Variants in LAMB4 observed in about 807,000 individuals in gnomAD.
LAMB4 encodes laminin subunit beta 4, also known as laminin subunit beta-4.
Under a neutral mutation model 199.2 loss-of-function variants are expected in LAMB4, and 196 were observed. That is an observed-to-expected ratio of 0.98 (90% CI 0.88 to 1.11). The LOEUF is 1.11. Among genes scored for constraint, LAMB4 ranks in the 50% least tolerant of loss-of-function variants. The probability of loss-of-function intolerance (pLI) is 0.00; values close to 1 mark genes in which losing one functional copy is unlikely to be tolerated. For synonymous variants in LAMB4, 744 were observed against 770.6 expected, an observed-to-expected ratio of 0.97 and a Z score of 0.57; for missense variants, 2,080 against 2,171.2, an observed-to-expected ratio of 0.96 and a Z score of 0.83.
rs768731973 is a variant in LAMB4, at chr7:108,066,340, A to G, written c.2678+29T>C. On this transcript the variant is annotated intron_variant, in intron 20 of 33. Coordinates refer to ENST00000388781, the MANE Select transcript of LAMB4 (RefSeq NM_007356.3). ...GATTGGAACAAAGTGTTAAAGACCTAAAAATTAAAGTGCATATGAATTCCA... is the reference window on the plus strand; with the variant it reads ...GATTGGAACAAAGTGTTAAAGACCTGAAAATTAAAGTGCATATGAATTCCA... 9 of 1,542,876 alleles carry G rather than the reference A, an allele frequency of 5.8e-6. No individual in the cohort carries two copies. In the African/African-American group the frequency reaches 1.1e-4, roughly 19 times the overall value.
Position 108,043,921 on chromosome 7 carries a change from G to A in LAMB4, c.4327-25C>T, listed in dbSNP as rs115731692. The A allele has an allele frequency of 9.0e-4, 1,424 of 1,588,612 alleles. 5 individuals are homozygous for A. The African/African-American group carries it at 0.018, about 20-fold the overall frequency. ...TCTGGAATGAGAAAAACACAATGAA[G>A]AATACTCGACAATATACTCAACAAA... is the stretch of plus-strand genomic sequence containing the variant. On this transcript the variant is annotated intron_variant, in intron 28 of 33. Coordinates refer to ENST00000388781, the MANE Select transcript of LAMB4 (RefSeq NM_007356.3).
intron 17 of LAMB4, among the ~76,000 whole-genome samples, chr7:108,070,773 A>G (rs1197154283): frequency 6.6e-6 from 1 of 152,192 alleles, no homozygotes; most frequent in Non-Finnish European, 1.5e-5. Flanking sequence ...AATCATATGT[A>G]GGTTTTTGAC....
chr7:108,035,496 C>T (rs1178622340), intron 30 of LAMB4, among the ~76,000 whole-genome samples: 1 of 144,440 alleles, frequency 6.9e-6, no homozygotes, highest in Non-Finnish European at 1.5e-5. Context: ...GAGCTGAGAT[C>T]GTGCCACTGC....
chr7:108,098,890 G>A (rs938428908), intron 10 of LAMB4, among the ~76,000 whole-genome samples: 22 of 152,170 alleles, frequency 1.4e-4, no homozygotes, highest in South Asian at 2.1e-4. Flanking sequence ...TGATTCTTCT[G>A]GGGATGATGA....
chr7:108,106,926 C>T (rs1057497186), intron 6 of LAMB4, among the ~76,000 whole-genome samples: 3 of 152,120 alleles, frequency 2.0e-5, no homozygotes, highest in Non-Finnish European at 4.4e-5. Flanking sequence ...CCATTGCTTC[C>T]CAGCTGGCAT....
rs1324316512 is a variant in LAMB4 at position 108,091,692 on chromosome 7, AAAG to A, written c.1632_1634del (p.Phe545del). 3 of 1,614,142 alleles carry A rather than the reference AAAG, an allele frequency of 1.9e-6. No homozygotes were observed. The highest frequency in any genetic ancestry group is 1.3e-5 in the African/African-American group (1 of 74,956). The stretch of plus-strand genomic sequence containing the variant: ...CGTAGAGATAGAAATTCAAAGGAGC[AAAG>A]AAGTAGCCAGGGGCTGGTTCAGAGC... On this transcript the variant is annotated inframe_deletion, in exon 14 of 34. Transcript: ENST00000388781.
intron 14 of LAMB4, among the ~76,000 whole-genome samples, chr7:108,090,677 T>G (rs1395009220): frequency 2.0e-5 from 3 of 152,184 alleles, no homozygotes; most frequent in Admixed American, 6.5e-5. Flanking sequence ...GTTTATTCTG[T>G]TTTCCCATCT....
Position 108,079,643 on chromosome 7 carries a change from G to A in LAMB4, c.1845C>T (p.Pro615=). 6.2e-7 allele frequency: 1 copy of A among 1,612,848 alleles called. No individual in the cohort carries two copies. The highest frequency in any genetic ancestry group is 1.7e-4 in the Middle Eastern group (1 of 6,056). The part of the protein sequence containing the change: ...AGLRFAVNNI[P]FPVDFTIAIH... ...TGGCAATGGTGAAGTCCACAGGAAAGGGAATGTTGTTGACAGCAAATCTCA... is the reference window on the plus strand; with the variant it reads ...TGGCAATGGTGAAGTCCACAGGAAAAGGAATGTTGTTGACAGCAAATCTCA... Residue 615 remains proline, a synonymous_variant, in exon 15 of 34, where the codon CCC becomes CCT. Coordinates refer to ENST00000388781, the MANE Select transcript of LAMB4 (RefSeq NM_007356.3).
intron 28 of LAMB4, among the ~76,000 whole-genome samples, chr7:108,047,362 T>TTCC (rs977940466): frequency 3.3e-5 from 5 of 152,110 alleles, no homozygotes; most frequent in Non-Finnish European, 5.9e-5. Flanking sequence ...ACCCCTCTTC[T>TTCC]TCCTCCTCCT....
chr7:108,073,254 C>T (rs189659793), intron 17 of LAMB4, among the ~76,000 whole-genome samples: 3 of 152,366 alleles, frequency 2.0e-5, no homozygotes, highest in African/African-American at 4.8e-5. Context: ...GATCCGCCCA[C>T]CTCGGCCTCC....
At chr7:108,019,624 A>G (rs1420941452), downstream of LAMB4, among the ~76,000 whole-genome samples, 1 of 152,050 alleles carries the variant, frequency 6.6e-6, no homozygotes, top group East Asian at 1.9e-4. Flanking sequence ...GTTGGCCAGA[A>G]TTTAGTCACA....
intron 31 of LAMB4, among the ~76,000 whole-genome samples, chr7:108,033,206 A>G (rs1321027978): frequency 3.3e-5 from 5 of 152,160 alleles, no homozygotes; most frequent in Non-Finnish European, 5.9e-5. Flanking sequence ...TAAAGTCTCT[A>G]TCCCAAATAT....
downstream of LAMB4, among the ~76,000 whole-genome samples, chr7:108,021,479 G>A (rs2034691421): frequency 1.3e-5 from 2 of 152,198 alleles, no homozygotes; most frequent in African/African-American, 4.8e-5. Context: ...GGAGGCCGAG[G>A]CGGGTGGATC....
chr7:108,014,789 C>T, the LAMB4 span, among the ~76,000 whole-genome samples: 1 of 150,262 alleles, frequency 6.7e-6, no homozygotes, highest in Non-Finnish European at 1.5e-5. Flanking sequence ...GTGGTGTGAT[C>T]TCAGCTCACT....
chr7:108,035,623 GA>G (rs1254348847), intron 30 of LAMB4, among the ~76,000 whole-genome samples: 23 of 77,338 alleles, frequency 3.0e-4, no homozygotes, highest in South Asian at 8.6e-4. Context: ...AAAAAAAAAA[GA>G]AAAAAAAACG....
intron 23 of LAMB4, chr7:108,062,506 G>T (rs930185558): frequency 1.1e-5 from 3 of 267,848 alleles, no homozygotes; most frequent in African/African-American, 6.6e-5. Flanking sequence ...AGGTGAGGCT[G>T]ATGTCTGTGT....
chr7:108,092,354 T>C lies in LAMB4; in HGVS notation c.1533A>G (p.Gly511=). ...TGACTTACACGTTAGAATAAGCACC[T>C]CCAATATCACAGTCACAGGGAGAAC... The part of the protein sequence containing the change: ...HGCSPCDCDI[G]GAYSNVCSPK... The change falls in exon 13 of 34, where the codon GGA becomes GGG. Residue 511 remains glycine, a synonymous_variant. Coordinates refer to ENST00000388781, the MANE Select transcript of LAMB4 (RefSeq NM_007356.3). 6.2e-7 allele frequency: 1 copy of C among 1,613,518 alleles called. No individual in the cohort carries two copies. The highest frequency in any genetic ancestry group is 8.5e-7 in the Non-Finnish European group (1 of 1,179,460).
At chr7:108,037,132 G>A (rs781134587) in intron 30 of LAMB4, among the ~76,000 whole-genome samples, 6 of 151,978 alleles carry the variant, frequency 3.9e-5, no homozygotes, top group East Asian at 1.9e-4. Context: ...GGTATGCATT[G>A]GTATAAAAAG....
intron 15 of LAMB4, 24 bp from the exon 16 acceptor site, chr7:108,078,340 A>G: frequency 7.3e-7 from 1 of 1,366,880 alleles, no homozygotes; most frequent in Non-Finnish European, 1.0e-6. Context: ...ACATTAAGGC[A>G]TGTCACTGCA....
Sources: allele counts gnomAD v4.1 joint callset (sites outside exome capture counted in the v4.1 genomes callset), GRCh38; gene constraint gnomAD v4.1.1; transcripts MANE v1.5; gene names NCBI Gene and HGNC (gene_info 2026-07-23, HGNC 2026-07-21).